The following CLVS1 variants were observed in gnomAD, a reference collection of about 807,000 sequenced individuals.
CLVS1 encodes clavesin 1.
In CLVS1, 10 loss-of-function variants were observed where a neutral mutation model predicts 33.1. That is an observed-to-expected ratio of 0.30 (90% CI 0.19 to 0.51). The LOEUF (loss-of-function observed/expected upper bound fraction) is 0.51. Among genes scored for constraint, CLVS1 ranks in the 20% least tolerant of loss-of-function variants. CLVS1 has a pLI of 0.97. For synonymous variants in CLVS1, 163 were observed against 166.1 expected (o/e 0.98, Z 0.14); for missense variants, 343 against 433.4 (o/e 0.79, Z 1.85).
rs537749440 is a variant in CLVS1, at chr8:61,499,556, C to G, written c.*14C>G. 5.0e-6 allele frequency: 8 copies of G among 1,603,612 alleles called. No individual in the cohort carries two copies. The highest frequency in any genetic ancestry group is 4.0e-5 in the African/African-American group (3 of 74,780). ...GCTCTGGACTGAACCCTGAGTCACC[C>G]CAATGCTCCTGCACACTGGCCTTCA... On this transcript the variant is annotated 3_prime_UTR_variant, in exon 6 of 6. Transcript: ENST00000325897.
chr8:61,384,033 A>C (rs1436533204), intron 3 of CLVS1, among the ~76,000 whole-genome samples: 1 of 152,194 alleles, frequency 6.6e-6, no homozygotes. Context: ...AGCCATGTGG[A>C]GTTAGGAATG....
chr8:61,040,658 T>C, the CLVS1 span, among the ~76,000 whole-genome samples: 1 of 152,358 alleles, frequency 6.6e-6, no homozygotes, highest in African/African-American at 2.4e-5. Context: ...TGTTGGTTCA[T>C]GTCCTTTGCT....
chr8:61,246,766 A>G (rs1808819133), intron 2 of CLVS1, among the ~76,000 whole-genome samples: 1 of 152,092 alleles, frequency 6.6e-6, no homozygotes, highest in African/African-American at 2.4e-5. Flanking sequence ...TTGACTGCAT[A>G]CATGTTCTCT....
At chr8:61,389,972 C>G (rs1012370596) in intron 3 of CLVS1, among the ~76,000 whole-genome samples, 1 of 152,050 alleles carries the variant, frequency 6.6e-6, no homozygotes, top group Non-Finnish European at 1.5e-5. Flanking sequence ...AAGAAAGAGC[C>G]CTTTGAAGGT....
the CLVS1 span, among the ~76,000 whole-genome samples, chr8:61,021,233 A>G: frequency 6.6e-6 from 1 of 152,236 alleles, no homozygotes; most frequent in Non-Finnish European, 1.5e-5. Flanking sequence ...GTCGGGCACA[A>G]TAACTTCTCT....
chr8:60,995,456 A>T, the CLVS1 span, among the ~76,000 whole-genome samples: 10 of 149,884 alleles, frequency 6.7e-5, no homozygotes, highest in Admixed American at 2.7e-4. Flanking sequence ...TCAAAACCAC[A>T]ATGAGATACC....
chr8:61,029,313 A>G, the CLVS1 span, among the ~76,000 whole-genome samples: 5 of 152,200 alleles, frequency 3.3e-5, no homozygotes, highest in African/African-American at 1.2e-4. Flanking sequence ...TCTCCTGCCA[A>G]AGTCTGGTTT....
chr8:61,494,547 T>C (rs970868004), intron 5 of CLVS1, among the ~76,000 whole-genome samples: 2 of 152,138 alleles, frequency 1.3e-5, no homozygotes, highest in Non-Finnish European at 2.9e-5. Flanking sequence ...ATGAAGAGAT[T>C]ACCACCAAGA....
At chr8:61,317,465 T>A (rs1478680439) in intron 2 of CLVS1, among the ~76,000 whole-genome samples, 2 of 152,198 alleles carry the variant, frequency 1.3e-5, no homozygotes, top group East Asian at 3.8e-4. Context: ...ACATCTTCAA[T>A]TTTTATCCCC....
At chr8:61,086,657 T>G (rs189525073) in intron 1 of CLVS1, among the ~76,000 whole-genome samples, 109 of 152,346 alleles carry the variant, frequency 7.2e-4, no homozygotes, top group African/African-American at 2.5e-3. Context: ...TAACATTTAT[T>G]AATGTTTTAG....
At chr8:61,357,494 C>CTGTTTTTTTTTTTTTTTTTTTTT (rs1812775951) in intron 2 of CLVS1, among the ~76,000 whole-genome samples, 1 of 25,804 alleles carries the variant, frequency 3.9e-5, no homozygotes, top group Non-Finnish European at 9.4e-5. Flanking sequence ...TTTTTCTTTT[C>CTGTTTTTTTTTTTTTTTTTTTTT]TTTTTTTTTT....
intron 2 of CLVS1, among the ~76,000 whole-genome samples, chr8:61,273,362 C>A (rs1395421104): frequency 2.6e-5 from 4 of 151,976 alleles, no homozygotes; most frequent in Admixed American, 1.3e-4. Flanking sequence ...AGATCTCCAG[C>A]TGCGTGCTGG....
intron 3 of CLVS1, among the ~76,000 whole-genome samples, chr8:61,399,896 G>C (rs547010890): frequency 6.6e-6 from 1 of 152,112 alleles, no homozygotes; most frequent in Non-Finnish European, 1.5e-5. Context: ...TGCTCTATGT[G>C]TCTGTTCTTG....
intron 3 of CLVS1, among the ~76,000 whole-genome samples, chr8:61,434,858 G>T (rs1816259927): frequency 6.6e-6 from 1 of 152,028 alleles, no homozygotes; most frequent in South Asian, 2.1e-4. Context: ...GAGAAAGGAA[G>T]GAAAACAAAG....
chr8:61,408,085 G>A (rs1248179089), intron 3 of CLVS1, among the ~76,000 whole-genome samples: 1 of 152,144 alleles, frequency 6.6e-6, no homozygotes, highest in Non-Finnish European at 1.5e-5. Context: ...ACAGGTGGGA[G>A]GCAAGATAGA....
chr8:61,462,944 G>C (rs2129607374), intron 5 of CLVS1, among the ~76,000 whole-genome samples: 1 of 152,270 alleles, frequency 6.6e-6, no homozygotes, highest in Admixed American at 6.5e-5. Flanking sequence ...CTCTAGTTAT[G>C]AAAGTCCTAG....
At chr8:61,480,385 G>T (rs1039489938) in intron 5 of CLVS1, among the ~76,000 whole-genome samples, 2 of 152,240 alleles carry the variant, frequency 1.3e-5, no homozygotes, top group African/African-American at 4.8e-5. Context: ...TCCGAGCCAG[G>T]TGCAGGATAT....
intron 5 of CLVS1, among the ~76,000 whole-genome samples, chr8:61,494,868 A>G (rs1320497860): frequency 6.6e-6 from 1 of 152,210 alleles, no homozygotes; most frequent in African/African-American, 2.4e-5. Flanking sequence ...TTGTGTGACC[A>G]GGTAACTAGA....
rs146780474 is a variant in CLVS1 at position 61,109,088 on chromosome 8, C to A, written c.-242-22682C>A. On this transcript the variant is annotated intron_variant, in intron 1 of 2. Transcript: ENST00000522621. ...ATGCTGGCTGAGGAGCTGGTGTGAT[C>A]GGGGAGAGGGATTTGAGGGGTTCCA... is the stretch of plus-strand genomic sequence containing the variant. Among the ~76,000 whole-genome samples, 326 of 152,074 alleles carry A rather than the reference C, an allele frequency of 2.1e-3. 3 individuals are homozygous for A. The highest frequency in any genetic ancestry group is 6.3e-3 in the African/African-American group (260 of 41,492).
Sources: allele counts gnomAD v4.1 joint callset (sites outside exome capture counted in the v4.1 genomes callset), GRCh38; gene constraint gnomAD v4.1.1; transcripts MANE v1.5; gene names NCBI Gene and HGNC (gene_info 2026-07-23, HGNC 2026-07-21).